Variants in SH3D21 observed in about 807,000 individuals in gnomAD.
The protein encoded by SH3D21 is manchette microtubule inner protein 1, also known as SH3 domain-containing protein 21.
Under a neutral mutation model 82.1 loss-of-function variants are expected in SH3D21, and 83 were observed. The observed-to-expected ratio is 1.01, with a 90% CI of 0.85 to 1.21. The LOEUF (loss-of-function observed/expected upper bound fraction) is 1.21. Ranked by LOEUF, SH3D21 falls within the 50% of genes most tolerant of loss-of-function variation. The probability of loss-of-function intolerance (pLI) is 0.00; values close to 1 mark genes in which losing one functional copy is unlikely to be tolerated. For missense variants in SH3D21, 980 were observed against 962.1 expected (o/e 1.02, Z -0.25); for synonymous variants, 383 against 387.8 (o/e 0.99, Z 0.15).
chr1:36,321,979 G>T, downstream of SH3D21: 1 of 1,180,338 alleles, frequency 8.5e-7, no homozygotes, highest in Non-Finnish European at 1.0e-6. The surrounding 1 kb of genome is among the most constrained non-coding windows in gnomAD (Gnocchi z 6.1). Context: ...CCCCTGCGTG[G>T]CAGGAGCCTG....
At chr1:36,328,114 G>A (rs1218685889), downstream of SH3D21, 1 of 457,504 alleles carries the variant, frequency 2.2e-6, no homozygotes, top group South Asian at 1.5e-5. Flanking sequence ...TGTGAGACTA[G>A]AGATTTGTCA....
chr1:36,314,382 A>C (rs1336746438), intron 10 of SH3D21, among the ~76,000 whole-genome samples: 1 of 151,678 alleles, frequency 6.6e-6, no homozygotes. Context: ...ATTGAGGAAG[A>C]GTTCTCTATA....
chr1:36,308,021 G>A, intron 7 of SH3D21, 58 bp downstream of exon 7: 1 of 1,550,846 alleles, frequency 6.4e-7, no homozygotes. Context: ...GTTGTGACTT[G>A]GTGGGCCAGC....
At chr1:36,327,406 T>G (rs1041132583), downstream of SH3D21, among the ~76,000 whole-genome samples, 1 of 152,222 alleles carries the variant, frequency 6.6e-6, no homozygotes, top group African/African-American at 2.4e-5. Context: ...ACGTGTGTTG[T>G]GTGCCTCAGT....
Position 36,306,630 on chromosome 1 carries a change from A to G in SH3D21, c.37A>G (p.Lys13Glu), listed in dbSNP as rs746246371. 27 of 1,302,224 alleles carry G rather than the reference A, an allele frequency of 2.1e-5. No individual in the cohort carries two copies. The African/African-American group carries it at 3.5e-4, about 17-fold the overall frequency. The allele number at this position is 1,302,224 out of a possible 1,614,324, so 80.7% of individuals were successfully genotyped here. ...CGTCCTGGCCGGATACCGCGCGCAG[A>G]AGGAGGACGAGCTGAGTCTGGCGCC... ...VLVLAGYRAQ[K>E]EDELSLAPGD... is the part of the protein sequence containing the mutation. The change falls in exon 2 of 16, where the codon AAG becomes GAG. Residue 13 changes from lysine (K) to glutamate (E), a missense_variant. Transcript: ENST00000453908. The surrounding 1 kb of genome is among the most constrained non-coding windows in gnomAD (Gnocchi z 4.5).
downstream of SH3D21, chr1:36,322,896 C>T: frequency 6.4e-7 from 1 of 1,570,906 alleles, no homozygotes; most frequent in Non-Finnish European, 8.7e-7. Flanking sequence ...AGGGGACGGA[C>T]AAGGCGCTGG....
In SH3D21 at chr1:36,308,229, G is replaced by T. The variant is rs185725071; in HGVS notation, c.639+20G>T. On this transcript the variant is annotated intron_variant, in intron 8 of 15. Transcript: ENST00000453908. The stretch of plus-strand genomic sequence containing the variant: ...AGCAAGGTGTGAGACGAACAGGGTG[G>T]GGGGGCCCAGGGAAGCCGGTGTTGA... The T allele has an allele frequency of 4.0e-4, 602 of 1,514,496 alleles. 6 individuals carry two copies. The East Asian group carries it at 0.013, about 32-fold the overall frequency. The allele number at this position is 1,514,496 out of a possible 1,614,324, so 93.8% of individuals were successfully genotyped here. A position where few individuals can be genotyped will look rare whatever the true frequency, so the allele number is the denominator to read the frequency against.
Position 36,306,966 on chromosome 1 carries a change from G to T in SH3D21, c.226+61G>T. 1 of 1,352,006 alleles carries T rather than the reference G, an allele frequency of 7.4e-7. No homozygotes were observed. The highest frequency in any genetic ancestry group is 3.4e-5 in the East Asian group (1 of 29,218). The allele number at this position is 1,352,006 out of a possible 1,614,324, so 83.8% of individuals were successfully genotyped here. ...GGTGCACGGAGCCAGTGCGACCCCG[G>T]CGTCTCCGGCTCTTAGTGACGGGCG... On this transcript the variant is annotated intron_variant, in intron 3 of 15. Transcript: ENST00000453908. This position sits in a 1 kb window ranked among gnomAD's most constrained non-coding sequence, Gnocchi z 4.5.
chr1:36,311,565 A>G lies in SH3D21; in HGVS notation c.769+1975A>G, dbSNP rs565924869. Among the ~76,000 whole-genome samples the G allele has an allele frequency of 3.1e-4, 47 of 152,194 alleles. 1 individual carries two copies. Among genetic ancestry groups the G allele is most frequent in the Admixed American group, 1.6e-3 (24 of 15,284 alleles). ...TAAAACCTTTAAAATGTTGCTTTTT[A>G]TATTAGTGCTTTTATTCATGTAGTA... On this transcript the variant is annotated intron_variant, in intron 10 of 15. Transcript: ENST00000453908.
In SH3D21 at chr1:36,307,395, T is replaced by C; in HGVS notation, c.345+110T>C. 6.6e-7 allele frequency: 1 copy of C among 1,511,956 alleles called. No individual in the cohort carries two copies. Among genetic ancestry groups the C allele is most frequent in the Non-Finnish European group, 9.0e-7 (1 of 1,116,844 alleles). 93.7% of individuals were successfully genotyped at this position (1,511,956 alleles called of 1,614,324 possible). Reference sequence around the variant, plus strand: ...ACGGTGGGAATGGCGACGGTGCAGATACGGGGAAGCGCGGGAGGGAAGGAG... The same window carrying C: ...ACGGTGGGAATGGCGACGGTGCAGACACGGGGAAGCGCGGGAGGGAAGGAG... On this transcript the variant is annotated intron_variant, in intron 4 of 15. Transcript: ENST00000453908. This position sits in a 1 kb window ranked among gnomAD's most constrained non-coding sequence, Gnocchi z 5.4.
At chr1:36,311,070 G>A (rs1291267919) in intron 10 of SH3D21, among the ~76,000 whole-genome samples, 4 of 150,538 alleles carry the variant, frequency 2.7e-5, no homozygotes, top group Non-Finnish European at 5.9e-5. Flanking sequence ...CACCATGCCC[G>A]GCTAATATTT....
In SH3D21 at chr1:36,307,360, G is replaced by A; in HGVS notation, c.345+75G>A. ...CTCCCTAGTGAGCGGGGTGGGAAGTGAGGGTGTGGACGGTGGGAATGGCGA... is the reference window on the plus strand; with the variant it reads ...CTCCCTAGTGAGCGGGGTGGGAAGTAAGGGTGTGGACGGTGGGAATGGCGA... On this transcript the variant is annotated intron_variant, in intron 4 of 15. Coordinates refer to ENST00000453908, the MANE Select transcript of SH3D21 (RefSeq NM_001162530.2). The surrounding 1 kb of genome is among the most constrained non-coding windows in gnomAD (Gnocchi z 5.4). 1 of 1,538,206 alleles carries A rather than the reference G, an allele frequency of 6.5e-7. No individual in the cohort carries two copies. Among genetic ancestry groups the A allele is most frequent in the Non-Finnish European group, 8.8e-7 (1 of 1,136,572 alleles).
rs146913766 is a variant in SH3D21 at position 36,313,570 on chromosome 1, G to A, written c.769+3980G>A. Reference sequence around the variant, plus strand: ...AATTATTTGCATAAAGTTGTTCATAGTATACTCTTTTATTTTGGAGAGACA... The same window carrying A: ...AATTATTTGCATAAAGTTGTTCATAATATACTCTTTTATTTTGGAGAGACA... On this transcript the variant is annotated intron_variant, in intron 10 of 15. Transcript: ENST00000453908. Among the ~76,000 whole-genome samples, 265 of 152,106 alleles carry A rather than the reference G, an allele frequency of 1.7e-3. 1 individual carries two copies. The East Asian group carries it at 0.03, about 17-fold the overall frequency.
chr1:36,313,400 A>C (rs1284174939), intron 10 of SH3D21, among the ~76,000 whole-genome samples: 1 of 152,028 alleles, frequency 6.6e-6, no homozygotes, highest in African/African-American at 2.4e-5. Context: ...ACTTGTCTGT[A>C]AATTCATCTT....
downstream of SH3D21, chr1:36,327,836 G>A (rs1300805138): frequency 7.8e-7 from 1 of 1,288,764 alleles, no homozygotes; most frequent in Non-Finnish European, 1.0e-6. Flanking sequence ...TTTGGCCAAT[G>A]TGGCTGTCCC....
downstream of SH3D21, chr1:36,323,124 TCCGCGGGCAGCTCCTCTCCCGGGAG>T: frequency 1.4e-6 from 2 of 1,439,924 alleles, no homozygotes; most frequent in South Asian, 2.5e-5. Flanking sequence ...CCCGACCCCT[TCCGCGGGCAGCTCCTCTCCCGGGAG>T]CCGCGGGCCC....
rs550385351 is a variant in SH3D21, at chr1:36,314,764, T to C, written c.770-4307T>C. On this transcript the variant is annotated intron_variant, in intron 10 of 15. Coordinates refer to ENST00000453908, the MANE Select transcript of SH3D21 (RefSeq NM_001162530.2). Reference sequence around the variant, plus strand: ...TGTCTTTTCACTTTCTTCGATGGTGTCCCTTGATGTACAAAAGTTTTAAAT... The same window carrying C: ...TGTCTTTTCACTTTCTTCGATGGTGCCCCTTGATGTACAAAAGTTTTAAAT... Among the ~76,000 whole-genome samples, 3 of 152,318 alleles carry C rather than the reference T, an allele frequency of 2.0e-5. No homozygotes were observed. In the East Asian group the frequency reaches 5.8e-4, roughly 29 times the overall value.
intron 10 of SH3D21, among the ~76,000 whole-genome samples, chr1:36,316,823 G>A (rs1484234131): frequency 2.0e-5 from 3 of 149,886 alleles, no homozygotes; most frequent in African/African-American, 7.4e-5. Context: ...GGAGTGCAAT[G>A]GCGTGATTTG....
At chr1:36,312,118 G>A (rs1646252184) in intron 10 of SH3D21, among the ~76,000 whole-genome samples, 1 of 151,108 alleles carries the variant, frequency 6.6e-6, no homozygotes, top group Non-Finnish European at 1.5e-5. Flanking sequence ...TCCGCCTCCC[G>A]GGTTCATGCC....
Sources: allele counts gnomAD v4.1 joint callset (sites outside exome capture counted in the v4.1 genomes callset), GRCh38; gene constraint gnomAD v4.1.1; non-coding constraint Gnocchi (gnomAD v3.1); transcripts MANE v1.5; gene names NCBI Gene and HGNC (gene_info 2026-07-23, HGNC 2026-07-21).